Variants in MGAT5B observed in about 807,000 individuals in gnomAD.
MGAT5B encodes the protein N-acetylglucosaminyl-transferase Vb.
Under a neutral mutation model 95.1 loss-of-function variants are expected in MGAT5B, and 54 were observed. The observed-to-expected ratio is 0.57, with a 90% CI of 0.46 to 0.71. The LOEUF (loss-of-function observed/expected upper bound fraction) is 0.71, where lower values mean the gene tolerates loss of function less well. Ranked by LOEUF, MGAT5B falls within the 30% of genes least tolerant of loss-of-function variation. The probability of loss-of-function intolerance (pLI) is 0.00; values close to 1 mark genes in which losing one functional copy is unlikely to be tolerated. For missense variants in MGAT5B, 935 were observed against 1,088.6 expected, an observed-to-expected ratio of 0.86 and a Z score of 1.99; for synonymous variants, 464 against 451.0, an observed-to-expected ratio of 1.03 and a Z score of -0.36.
chr17:76,887,045 C>A (rs111472857), intron 3 of MGAT5B, among the ~76,000 whole-genome samples: 1 of 151,334 alleles, frequency 6.6e-6, no homozygotes, highest in Non-Finnish European at 1.5e-5. Context: ...GTCTGTCTCA[C>A]AAAACAAAAA....
chr17:76,902,403 C>G, intron 3 of MGAT5B, 152 bp from the exon 4 acceptor site: 1 of 604,168 alleles, frequency 1.7e-6, no homozygotes, highest in Non-Finnish European at 3.0e-6. Context: ...ACCCGATTCA[C>G]TCCCCACCAT....
chr17:76,931,596 G>T (rs59885816), intron 10 of MGAT5B, among the ~76,000 whole-genome samples: 6 of 152,032 alleles, frequency 3.9e-5, no homozygotes, highest in Non-Finnish European at 7.4e-5. Context: ...TCAAAGGTGC[G>T]GTGGGAGAGA....
chr17:76,893,633 C>T (rs564391908), intron 3 of MGAT5B, among the ~76,000 whole-genome samples: 25 of 152,350 alleles, frequency 1.6e-4, no homozygotes, highest in Middle Eastern at 6.8e-3. Context: ...CCCTGTCCCC[C>T]GTGCCGGGGT....
rs570606095 is a variant in MGAT5B, at chr17:76,914,522, C to T, written c.1025+8335C>T. On this transcript the variant is annotated intron_variant, in intron 8 of 17. Coordinates refer to ENST00000569840, the MANE Select transcript of MGAT5B (RefSeq NM_001199172.2). The surrounding 1 kb of genome is among the most constrained non-coding windows in gnomAD (Gnocchi z 5.1). The stretch of plus-strand genomic sequence containing the variant: ...CTGAAGGCACTAGGGAAGCGTCAGT[C>T]CCAGCCTCTCCCCTGTCTTCTGGTA... Among the ~76,000 whole-genome samples, 5 of 152,344 alleles carry T rather than the reference C, an allele frequency of 3.3e-5. No homozygotes were observed. In the South Asian group the frequency reaches 1.0e-3, roughly 32 times the overall value.
rs531580885 is a variant in MGAT5B at position 76,934,497 on chromosome 17, G to T, written c.1428+1200G>T. ...CAAGACCTCTGCTGAGATGTCAGAG[G>T]TCACTGTGGGGTGTGGAGCGGGGAG... On this transcript the variant is annotated intron_variant, in intron 12 of 17. Coordinates refer to ENST00000569840, the MANE Select transcript of MGAT5B (RefSeq NM_001199172.2). 3.9e-5 allele frequency among the ~76,000 whole-genome samples: 6 copies of T among 152,322 alleles called. No homozygotes were observed. The East Asian group carries it at 1.2e-3, about 29-fold the overall frequency.
chr17:76,946,904 G>A (rs1003011449), intron 16 of MGAT5B, among the ~76,000 whole-genome samples: 5 of 152,306 alleles, frequency 3.3e-5, no homozygotes, highest in Middle Eastern at 3.4e-3. Context: ...TCAAAAACTC[G>A]GCCACCTCAG....
intron 8 of MGAT5B, among the ~76,000 whole-genome samples, chr17:76,911,136 C>T (rs1247252177): frequency 1.3e-5 from 2 of 152,222 alleles, no homozygotes; most frequent in Admixed American, 6.5e-5. Flanking sequence ...GCATCTCTGA[C>T]TTCTTCCATC....
chr17:76,905,387 A>G lies in MGAT5B; in HGVS notation c.855+54A>G. On this transcript the variant is annotated intron_variant, in intron 7 of 17. Transcript: ENST00000569840. The surrounding 1 kb of genome is among the most constrained non-coding windows in gnomAD (Gnocchi z 4.2). ...GGAGCTGAGAAAGCTCAGGGCCCCC[A>G]CTTCTGAGTGGGCATGGAATAGGTC... is the stretch of plus-strand genomic sequence containing the variant. The G allele has an allele frequency of 6.9e-7, 1 of 1,450,004 alleles. No individual in the cohort carries two copies. The highest frequency in any genetic ancestry group is 9.3e-7 in the Non-Finnish European group (1 of 1,079,088). 89.8% of individuals were successfully genotyped at this position (1,450,004 alleles called of 1,614,324 possible). A position where few individuals can be genotyped will look rare whatever the true frequency, so the allele number is the denominator to read the frequency against.
chr17:76,938,181 G>A lies in MGAT5B; in HGVS notation c.1584+38G>A, dbSNP rs781309534. The stretch of plus-strand genomic sequence containing the variant: ...CCCCCGCACCATTCTCACACTTGCC[G>A]GCTGCAGACACTGAGGTCACCACCC... On this transcript the variant is annotated intron_variant, in intron 13 of 17. Transcript: ENST00000569840. This position sits in a 1 kb window ranked among gnomAD's most constrained non-coding sequence, Gnocchi z 4.3. 37 of 1,606,886 alleles carry A rather than the reference G, an allele frequency of 2.3e-5. No individual in the cohort carries two copies. Among genetic ancestry groups the A allele is most frequent in the Middle Eastern group, 3.8e-4 (2 of 5,328 alleles).
intron 11 of MGAT5B, 101 bp from the exon 12 acceptor site, chr17:76,933,191 G>T: frequency 2.0e-6 from 3 of 1,493,050 alleles, no homozygotes; most frequent in Non-Finnish European, 2.8e-6. Flanking sequence ...CAGGGTTGGG[G>T]GCCCCAGAGA....
At chr17:76,900,942 T>TGC (rs1968290904) in intron 3 of MGAT5B, among the ~76,000 whole-genome samples, 1 of 140,848 alleles carries the variant, frequency 7.1e-6, no homozygotes, top group African/African-American at 2.8e-5. Flanking sequence ...CGTGTTTGTG[T>TGC]GTGAGTGTGT....
intron 3 of MGAT5B, among the ~76,000 whole-genome samples, chr17:76,892,482 G>T (rs1217414221): frequency 6.6e-6 from 1 of 152,234 alleles, no homozygotes; most frequent in Admixed American, 6.5e-5. Context: ...ACCTCAGGCT[G>T]GTCCTGGGGC....
At chr17:76,941,925 C>T (rs1969873853) in intron 15 of MGAT5B, among the ~76,000 whole-genome samples, 1 of 152,206 alleles carries the variant, frequency 6.6e-6, no homozygotes, top group Non-Finnish European at 1.5e-5. Flanking sequence ...GGGTAGGTAT[C>T]CTCCTCTTCC....
At chr17:76,903,185 C>A in intron 4 of MGAT5B, 118 bp from the exon 5 acceptor site, 1 of 804,120 alleles carries the variant, frequency 1.2e-6, no homozygotes, top group Non-Finnish European at 2.0e-6. Flanking sequence ...GGCTGATGAG[C>A]TTTAAGGTGG....
intron 8 of MGAT5B, among the ~76,000 whole-genome samples, chr17:76,908,373 C>A (rs543549650): frequency 6.6e-6 from 1 of 151,400 alleles, no homozygotes; most frequent in African/African-American, 2.4e-5. Flanking sequence ...CTCAAGCAAC[C>A]CTCCCACCTC....
In MGAT5B at chr17:76,948,010, G is replaced by A. The variant is rs201168609; in HGVS notation, c.2104G>A (p.Asp702Asn). Reference sequence around the variant, plus strand: ...GGCCGTGCCTGGGAGGGCCTGCACCGACACCTGCCTGGACCACGGGCTAAT... The same window carrying A: ...GGCCGTGCCTGGGAGGGCCTGCACCAACACCTGCCTGGACCACGGGCTAAT... ...WLAVPGRACT[D>N]TCLDHGLICE... Residue 702 changes from aspartate (D) to asparagine (N), a missense_variant, in exon 17 of 18, where the codon GAC (aspartate) becomes AAC (asparagine). Coordinates refer to ENST00000569840, the MANE Select transcript of MGAT5B (RefSeq NM_001199172.2). 1.2e-6 allele frequency: 2 copies of A among 1,612,826 alleles called. No individual in the cohort carries two copies. Among genetic ancestry groups the A allele is most frequent in the East Asian group, 4.5e-5 (2 of 44,848 alleles).
chr17:76,908,237 TTTTC>T (rs1968603308), intron 8 of MGAT5B, among the ~76,000 whole-genome samples: 1 of 151,346 alleles, frequency 6.6e-6, no homozygotes, highest in Non-Finnish European at 1.5e-5. Context: ...CTGTTCTCTC[TTTTC>T]TTTCTTTTTT....
intron 15 of MGAT5B, among the ~76,000 whole-genome samples, chr17:76,944,767 C>T (rs903687517): frequency 3.3e-5 from 5 of 152,174 alleles, no homozygotes; most frequent in Non-Finnish European, 7.4e-5. Context: ...AGGGATGTCC[C>T]CTTGGCCAGA....
chr17:76,913,259 C>T (rs1265865583), intron 8 of MGAT5B, among the ~76,000 whole-genome samples: 1 of 152,178 alleles, frequency 6.6e-6, no homozygotes, highest in African/African-American at 2.4e-5. Context: ...CCCGCACAAT[C>T]CACTGTGACC....
Sources: allele counts gnomAD v4.1 joint callset (sites outside exome capture counted in the v4.1 genomes callset), GRCh38; gene constraint gnomAD v4.1.1; non-coding constraint Gnocchi (gnomAD v3.1); transcripts MANE v1.5; gene names NCBI Gene and HGNC (gene_info 2026-07-23, HGNC 2026-07-21).